Variants in ITPRID1 observed in about 807,000 individuals in gnomAD.
ITPRID1 encodes the protein ITPR interacting domain containing 1, also known as protein ITPRID1.
Under a neutral mutation model 95.4 loss-of-function variants are expected in ITPRID1, and 96 were observed. The observed-to-expected ratio is 1.01, with a 90% CI of 0.85 to 1.19. The LOEUF is 1.19. Ranked by LOEUF, ITPRID1 falls within the 50% of genes most tolerant of loss-of-function variation. The probability of loss-of-function intolerance (pLI) is 0.00; values close to 1 mark genes in which losing one functional copy is unlikely to be tolerated. For missense variants in ITPRID1, 1,339 were observed against 1,252.9 expected, an observed-to-expected ratio of 1.07 and a Z score of -1.04; for synonymous variants, 510 against 453.6, an observed-to-expected ratio of 1.12 and a Z score of -1.58.
chr7:31,607,475 C>T (rs1287518934), intron 10 of ITPRID1, among the ~76,000 whole-genome samples: 2 of 152,104 alleles, frequency 1.3e-5, no homozygotes, highest in Admixed American at 6.5e-5. Flanking sequence ...GAAATTATTT[C>T]CTTCAGAATT....
rs1791035043 is a variant in ITPRID1, at chr7:31,652,321, GA to G, written c.2824-195del. On this transcript the variant is annotated intron_variant, in intron 14 of 14. Coordinates refer to ENST00000615280, the MANE Select transcript of ITPRID1 (RefSeq NM_001257967.3). ...TCCTATTAGCCCATTTTCCAAATAA[GA>G]ATAAGAATCACAGGCACAGTGAAGC... is the stretch of plus-strand genomic sequence containing the variant. Among the ~76,000 whole-genome samples the G allele has an allele frequency of 2.0e-5, 3 of 152,048 alleles. No individual in the cohort carries two copies. The South Asian group carries it at 6.2e-4, about 32-fold the overall frequency.
rs1790139109 is a variant in ITPRID1 at position 31,642,752 on chromosome 7, G to A, written c.1382G>A (p.Ser461Asn). 1.9e-6 allele frequency: 3 copies of A among 1,613,904 alleles called. No individual in the cohort carries two copies. The highest frequency in any genetic ancestry group is 1.7e-5 in the Admixed American group (1 of 60,006). ...AGAAAGCCAAGAGATCAGAGCCACA[G>A]CTTAGTATCATCCCAGGACTGTCAG... is the stretch of plus-strand genomic sequence containing the variant. ...GGRKPRDQSH[S>N]LVSSQDCQLE... The change falls in exon 12 of 15, where the codon AGC (serine) becomes AAC (asparagine). Residue 461 changes from serine (S) to asparagine (N), a missense_variant. Physicochemically the swap from Ser to Asn is conservative, Grantham distance 46. Transcript: ENST00000615280.
At chr7:31,540,636 T>A (rs1213202550) in intron 1 of ITPRID1, among the ~76,000 whole-genome samples, 2 of 152,210 alleles carry the variant, frequency 1.3e-5, no homozygotes, top group Non-Finnish European at 2.9e-5. Flanking sequence ...AATTATTTGT[T>A]ACATAGTCCT....
At chr7:31,554,991 T>C in intron 5 of ITPRID1, 90 bp downstream of exon 5, 1 of 959,122 alleles carries the variant, frequency 1.0e-6, no homozygotes, top group South Asian at 1.5e-5. Flanking sequence ...AAATGAGCAT[T>C]ATCAGAGGCT....
At chr7:31,546,501 A>G (rs1784103491) in intron 1 of ITPRID1, among the ~76,000 whole-genome samples, 1 of 151,982 alleles carries the variant, frequency 6.6e-6, no homozygotes, top group African/African-American at 2.4e-5. Context: ...ATTCAGATCT[A>G]CAATGCTATA....
In ITPRID1 at chr7:31,574,567, G is replaced by T. The variant is rs1026235574; in HGVS notation, c.423G>T (p.Glu141Asp). The change falls in exon 8 of 15, where the codon GAG (glutamate) becomes GAT (aspartate). Residue 141 changes from glutamate (E) to aspartate (D), a missense_variant. Transcript: ENST00000615280. ...QSIPEWLEFW[E>D]IDPVEILLDL... is the part of the protein sequence containing the mutation. ...TTCCTGAATGGCTGGAATTTTGGGA[G>T]ATAGATCCAGTGGAGATTCTCTTGG... 18 of 1,613,602 alleles carry T rather than the reference G, an allele frequency of 1.1e-5. 1 individual carries two copies. The highest frequency in any genetic ancestry group is 1.6e-4 in the Middle Eastern group (1 of 6,080).
intron 1 of ITPRID1, among the ~76,000 whole-genome samples, chr7:31,523,193 G>A (rs1305864017): frequency 2.6e-5 from 4 of 152,064 alleles, no homozygotes; most frequent in African/African-American, 9.7e-5. Flanking sequence ...TGGTGTTGAG[G>A]GTATGTTTGC....
chr7:31,559,699 C>T (rs1784565986), intron 5 of ITPRID1, among the ~76,000 whole-genome samples: 1 of 152,134 alleles, frequency 6.6e-6, no homozygotes, highest in African/African-American at 2.4e-5. Flanking sequence ...CATTATACTA[C>T]ATGACTATCA....
At chr7:31,638,977 A>G (rs180967948) in intron 10 of ITPRID1, among the ~76,000 whole-genome samples, 59 of 152,214 alleles carry the variant, frequency 3.9e-4, no homozygotes, top group African/African-American at 1.4e-3. Context: ...GGATTTCACC[A>G]TGTTGGCCAG....
At chr7:31,542,712 G>A (rs1181984997) in intron 1 of ITPRID1, among the ~76,000 whole-genome samples, 1 of 152,020 alleles carries the variant, frequency 6.6e-6, no homozygotes, top group Non-Finnish European at 1.5e-5. Context: ...ATTCTGTTTG[G>A]GGCTGAGTTA....
chr7:31,569,853 C>G (rs1784924639), intron 6 of ITPRID1, 44 bp downstream of exon 6: 2 of 1,499,700 alleles, frequency 1.3e-6, no homozygotes, highest in Non-Finnish European at 1.8e-6. Flanking sequence ...TATTTTGCAG[C>G]CACACCTTTG....
At chr7:31,610,066 A>G (rs761811817) in intron 10 of ITPRID1, among the ~76,000 whole-genome samples, 14 of 151,578 alleles carry the variant, frequency 9.2e-5, no homozygotes, top group Non-Finnish European at 1.9e-4. Context: ...AAATTGCTAC[A>G]TATTTGTGAA....
At chr7:31,599,667 TCTC>T (rs1786295167) in intron 10 of ITPRID1, among the ~76,000 whole-genome samples, 3 of 124,748 alleles carry the variant, frequency 2.4e-5, no homozygotes, top group Non-Finnish European at 3.6e-5. Flanking sequence ...TTCCTTTCTC[TCTC>T]TCTCTCTCTC....
intron 1 of ITPRID1, among the ~76,000 whole-genome samples, chr7:31,547,486 A>C (rs1437835004): frequency 7.7e-6 from 1 of 130,430 alleles, no homozygotes; most frequent in African/African-American, 2.6e-5. Flanking sequence ...AAGCCAACAG[A>C]TCTCATGAGA....
intron 1 of ITPRID1, among the ~76,000 whole-genome samples, chr7:31,545,304 C>A (rs910481747): frequency 6.6e-6 from 1 of 151,988 alleles, no homozygotes; most frequent in African/African-American, 2.4e-5. Flanking sequence ...CATGAAAGAA[C>A]TTGGATTGCA....
intron 10 of ITPRID1, among the ~76,000 whole-genome samples, chr7:31,637,121 TAATC>T (rs1429408817): frequency 1.3e-5 from 2 of 152,154 alleles, no homozygotes; most frequent in Admixed American, 1.3e-4. Context: ...CACATTTTCT[TAATC>T]CAGTCTATCG....
chr7:31,643,231 G>A lies in ITPRID1; in HGVS notation c.1861G>A (p.Glu621Lys), dbSNP rs1490969051. The change falls in exon 12 of 15, where the codon GAA (glutamate) becomes AAA (lysine). Residue 621 changes from glutamate (E) to lysine (K), a missense_variant. Coordinates refer to ENST00000615280, the MANE Select transcript of ITPRID1 (RefSeq NM_001257967.3). ...HVDSEAPREEESSGFCPHTNH... is the reference protein window; with the variant it reads ...HVDSEAPREEKSSGFCPHTNH... Reference sequence around the variant, plus strand: ...TGACTCTGAGGCCCCACGAGAAGAGGAAAGCAGTGGATTCTGTCCTCACAC... The same window carrying A: ...TGACTCTGAGGCCCCACGAGAAGAGAAAAGCAGTGGATTCTGTCCTCACAC... The A allele has an allele frequency of 1.9e-6, 3 of 1,613,874 alleles. No individual in the cohort carries two copies. Among genetic ancestry groups the A allele is most frequent in the Non-Finnish European group, 1.7e-6 (2 of 1,179,884 alleles).
intron 10 of ITPRID1, among the ~76,000 whole-genome samples, chr7:31,604,156 A>G (rs969697194): frequency 3.9e-5 from 6 of 152,194 alleles, no homozygotes; most frequent in African/African-American, 1.4e-4. Context: ...GTGGGGCTGT[A>G]AGGAATGGAA....
At chr7:31,599,687 TCTC>T (rs1261972624) in intron 10 of ITPRID1, among the ~76,000 whole-genome samples, 1 of 148,116 alleles carries the variant, frequency 6.8e-6, no homozygotes, top group Non-Finnish European at 1.5e-5. Flanking sequence ...TCTCTCTCTC[TCTC>T]TCTTTCTTTC....
Sources: allele counts gnomAD v4.1 joint callset (sites outside exome capture counted in the v4.1 genomes callset), GRCh38; gene constraint gnomAD v4.1.1; transcripts MANE v1.5; gene names NCBI Gene and HGNC (gene_info 2026-07-23, HGNC 2026-07-21).